Variants in KCND3 observed in about 807,000 individuals in gnomAD.
KCND3 encodes potassium voltage-gated channel subfamily D member 3.
In KCND3, 9 loss-of-function variants were observed where a neutral mutation model predicts 51.1. That is an observed-to-expected ratio of 0.18 (90% confidence interval 0.11 to 0.31). The LOEUF is 0.31. Ranked by LOEUF, KCND3 falls within the 10% of genes least tolerant of loss-of-function variation. KCND3 has a pLI of 1.00. For synonymous variants in KCND3, 349 were observed against 368.0 expected (o/e 0.95, Z 0.59); for missense variants, 526 against 903.8 (o/e 0.58, Z 5.36).
At chr1:111,900,397 G>T (rs1462088851) in intron 2 of KCND3, among the ~76,000 whole-genome samples, 2 of 152,182 alleles carry the variant, frequency 1.3e-5, no homozygotes, top group Non-Finnish European at 2.9e-5. Flanking sequence ...TAAGGCACTG[G>T]TTTAGATTCT....
At chr1:111,908,948 T>C (rs1039503663) in intron 2 of KCND3, among the ~76,000 whole-genome samples, 1 of 117,074 alleles carries the variant, frequency 8.5e-6, no homozygotes, top group East Asian at 2.6e-4. Context: ...TCTGGTCTCA[T>C]GCCTTTTTTT....
chr1:111,977,445 A>T (rs1473613108), intron 2 of KCND3, among the ~76,000 whole-genome samples: 1 of 152,106 alleles, frequency 6.6e-6, no homozygotes, highest in Non-Finnish European at 1.5e-5. Flanking sequence ...AGAAGTAAAA[A>T]TCAATTCCGT....
intron 2 of KCND3, among the ~76,000 whole-genome samples, chr1:111,825,767 C>T (rs994601011): frequency 6.6e-6 from 1 of 152,048 alleles, no homozygotes; most frequent in Non-Finnish European, 1.5e-5. Flanking sequence ...TTTTCCCACA[C>T]TACCATCTGA....
At chr1:111,815,227 A>G (rs939013595) in intron 2 of KCND3, among the ~76,000 whole-genome samples, 1 of 151,986 alleles carries the variant, frequency 6.6e-6, no homozygotes, top group Non-Finnish European at 1.5e-5. Flanking sequence ...GCTGAGACCA[A>G]TCCCTTTGCC....
intron 2 of KCND3, among the ~76,000 whole-genome samples, chr1:111,817,337 CTT>C (rs995063656): frequency 1.1e-4 from 16 of 152,290 alleles, no homozygotes; most frequent in South Asian, 4.1e-4. Context: ...TGGTACAACT[CTT>C]TGGGAAAGTG....
intron 2 of KCND3, among the ~76,000 whole-genome samples, chr1:111,916,261 TAA>T (rs1412784473): frequency 3.9e-5 from 6 of 152,088 alleles, no homozygotes; most frequent in African/African-American, 1.4e-4. Flanking sequence ...AGATAAAAAA[TAA>T]AAAGATACCT....
intron 3 of KCND3, among the ~76,000 whole-genome samples, chr1:111,781,846 C>T (rs1664403108): frequency 6.6e-6 from 1 of 152,124 alleles, no homozygotes; most frequent in African/African-American, 2.4e-5. Flanking sequence ...TGACTGTAAT[C>T]ATTGTCACTA....
At chr1:111,853,188 G>T (rs916750912) in intron 2 of KCND3, among the ~76,000 whole-genome samples, 3 of 152,208 alleles carry the variant, frequency 2.0e-5, no homozygotes, top group African/African-American at 7.2e-5. Flanking sequence ...GGTGGACTTG[G>T]AAATGGAACA....
intron 2 of KCND3, among the ~76,000 whole-genome samples, chr1:111,877,499 T>C (rs542620272): frequency 1.1e-3 from 167 of 152,102 alleles, no homozygotes; most frequent in African/African-American, 3.8e-3. Flanking sequence ...CATGGCCATA[T>C]CAGTGAGGAA....
At chr1:111,932,385 T>C (rs980258419) in intron 2 of KCND3, among the ~76,000 whole-genome samples, 4 of 152,226 alleles carry the variant, frequency 2.6e-5, no homozygotes, top group Non-Finnish European at 5.9e-5. Flanking sequence ...TTGGGTTTTG[T>C]TGGTTTGTTT....
Position 111,838,678 on chromosome 1 carries a change from A to G in KCND3, c.1107-51572T>C, listed in dbSNP as rs1206997840. Among the ~76,000 whole-genome samples, 4 of 151,288 alleles carry G rather than the reference A, an allele frequency of 2.6e-5. No individual in the cohort carries two copies. The East Asian group carries it at 5.9e-4, about 22-fold the overall frequency. ...TCTCAAAAAAACAAAAACAAAAGCA[A>G]AAACAACAACAACAACAACAACAAC... On this transcript the variant is annotated intron_variant, in intron 2 of 7. Transcript: ENST00000302127.
rs1663987604 is a variant in KCND3 at position 111,773,235 on chromosome 1, G to C, written c.*2842C>G. The C allele has an allele frequency of 6.6e-6, 1 of 151,984 alleles. No homozygotes were observed. The highest frequency in any genetic ancestry group is 1.5e-5 in the Non-Finnish European group (1 of 68,000). 9.4% of individuals were successfully genotyped at this position (151,984 alleles called of 1,614,324 possible). A position where few individuals can be genotyped will look rare whatever the true frequency, so the allele number is the denominator to read the frequency against. On this transcript the variant is annotated 3_prime_UTR_variant, in exon 8 of 8. Transcript: ENST00000302127. ...ATAAAAAAACATGGGAAATTGCTTGGGACATGATATTTAACATTTATTAAT... is the reference window on the plus strand; with the variant it reads ...ATAAAAAAACATGGGAAATTGCTTGCGACATGATATTTAACATTTATTAAT...
chr1:111,931,874 C>T (rs564637189), intron 2 of KCND3, among the ~76,000 whole-genome samples: 32 of 152,304 alleles, frequency 2.1e-4, no homozygotes, highest in East Asian at 9.7e-4. Flanking sequence ...TTTCCAGTGG[C>T]GGTCTCACCA....
intron 2 of KCND3, among the ~76,000 whole-genome samples, chr1:111,859,870 A>G (rs1453754890): frequency 6.6e-6 from 1 of 152,226 alleles, no homozygotes; most frequent in African/African-American, 2.4e-5. Flanking sequence ...GTAGTATTTG[A>G]TGAGATGAGG....
At chr1:111,929,259 C>T (rs1571863205) in intron 2 of KCND3, among the ~76,000 whole-genome samples, 1 of 152,306 alleles carries the variant, frequency 6.6e-6, no homozygotes, top group East Asian at 1.9e-4. Context: ...CCCACAACCC[C>T]CACTGCTCAG....
intron 2 of KCND3, among the ~76,000 whole-genome samples, chr1:111,836,744 T>C (rs1297775679): frequency 1.3e-5 from 2 of 152,176 alleles, no homozygotes; most frequent in Non-Finnish European, 2.9e-5. Flanking sequence ...CCCTGAGCCA[T>C]TTTATGGCTC....
At position 111,780,378 on chromosome 1, in the gene KCND3, A is replaced by C. The variant is rs756035259; in HGVS notation, c.1372-64T>G. 49 of 1,415,160 alleles carry C rather than the reference A, an allele frequency of 3.5e-5. No individual in the cohort carries two copies. Among genetic ancestry groups the C allele is most frequent in the Non-Finnish European group, 4.6e-5 (47 of 1,022,844 alleles). The allele number at this position is 1,415,160 out of a possible 1,614,324, so 87.7% of individuals were successfully genotyped here. A position where few individuals can be genotyped will look rare whatever the true frequency, so the allele number is the denominator to read the frequency against. ...GGCTCTTCCCCTCTCCAGCTCCTTC[A>C]TTTCTCCACTAAAGGTCAAAGGGCA... is the stretch of plus-strand genomic sequence containing the variant. On this transcript the variant is annotated intron_variant, in intron 4 of 7. Coordinates refer to ENST00000302127, the MANE Select transcript of KCND3 (RefSeq NM_001378969.1). This position sits in a 1 kb window ranked among gnomAD's most constrained non-coding sequence, Gnocchi z 4.2.
chr1:111,936,299 A>G (rs1672218619), intron 2 of KCND3, among the ~76,000 whole-genome samples: 3 of 152,150 alleles, frequency 2.0e-5, no homozygotes, highest in South Asian at 4.1e-4. Context: ...TGGTGAGCAG[A>G]GGGCTCCCCA....
chr1:111,896,538 G>T (rs1045338542), intron 2 of KCND3, among the ~76,000 whole-genome samples: 1 of 152,184 alleles, frequency 6.6e-6, no homozygotes, highest in African/African-American at 2.4e-5. Context: ...ACAGAACTGG[G>T]CTGGAGGCTA....
Sources: gnomAD v4.1 joint callset for allele counts (sites outside exome capture counted in the v4.1 genomes callset) on GRCh38, gnomAD v4.1.1 for gene constraint, Gnocchi (gnomAD v3.1) non-coding constraint, MANE v1.5 for transcripts, NCBI Gene and HGNC (gene_info 2026-07-23, HGNC 2026-07-21) for gene names.